INTS3: variants seen among roughly 807,000 people sequenced by gnomAD.
The protein encoded by INTS3 is integrator complex subunit 3.
INTS3 carries 34 observed loss-of-function variants against 146.3 expected under a neutral mutation model. The observed-to-expected ratio is 0.23, with a 90% CI of 0.18 to 0.31. The LOEUF is 0.31. INTS3 is among the 10% of genes least tolerant of loss of function. INTS3 has a pLI of 1.00. For synonymous variants in INTS3, 475 were observed against 494.9 expected, an observed-to-expected ratio of 0.96 and a Z score of 0.53; for missense variants, 757 against 1,304.2, an observed-to-expected ratio of 0.58 and a Z score of 6.46.
In INTS3 at chr1:153,759,557, CTTTGT is replaced by C; in HGVS notation, c.1185_1189del (p.Phe396Ter). On this transcript the variant is annotated frameshift_variant, in exon 11 of 30. Coordinates refer to ENST00000318967, the MANE Select transcript of INTS3 (RefSeq NM_023015.5). LOFTEE classifies it high-confidence loss of function. ...GTCGCTGCCTCCAATGCCAAGCTGG[CTTTGT>C]TTTATGACTGGCTGTTCTTTAGTCC... The C allele has an allele frequency of 6.2e-7, 1 of 1,613,978 alleles. No individual in the cohort carries two copies. Among genetic ancestry groups the C allele is most frequent in the Non-Finnish European group, 8.5e-7 (1 of 1,179,894 alleles).
At chr1:153,770,363 G>T (rs546733852) in intron 24 of INTS3, 52 bp downstream of exon 24, 1 of 1,140,422 alleles carries the variant, frequency 8.8e-7, no homozygotes, top group East Asian at 2.3e-5. Flanking sequence ...TTCCTATACA[G>T]TTAGGGCAAG....
intron 3 of INTS3, among the ~76,000 whole-genome samples, chr1:153,746,449 A>G (rs566850347): frequency 2.6e-4 from 40 of 151,206 alleles, no homozygotes; most frequent in South Asian, 8.4e-4. Context: ...GACCCAGGCT[A>G]GAGTGCAGTG....
At chr1:153,761,424 C>T (rs1234035056) in intron 13 of INTS3, 146 bp from the exon 14 acceptor site, 4 of 606,426 alleles carry the variant, frequency 6.6e-6, no homozygotes, top group South Asian at 4.1e-5. Flanking sequence ...GCACAAGAAT[C>T]GCTTGAATCC....
At chr1:153,766,063 A>G (rs1003583392) in intron 20 of INTS3, among the ~76,000 whole-genome samples, 1 of 150,366 alleles carries the variant, frequency 6.7e-6, no homozygotes, top group Non-Finnish European at 1.5e-5. Context: ...ACATTTTCAG[A>G]TAAATGGAAT....
chr1:153,766,002 C>G (rs765618239), intron 20 of INTS3, among the ~76,000 whole-genome samples: 1 of 152,176 alleles, frequency 6.6e-6, no homozygotes, highest in Non-Finnish European at 1.5e-5. Context: ...TCCCCTTCAC[C>G]CAGCTCTTGG....
At position 153,774,134 on chromosome 1, in the gene INTS3, G is replaced by A. The variant is rs56167936; in HGVS notation, c.*864G>A. On this transcript the variant is annotated 3_prime_UTR_variant, in exon 30 of 30. Transcript: ENST00000318967. ...CCCCGTGCATGTATAGCTTGGTCTT[G>A]ATTTGATTGGCACCCCTACTTGTAA... 18,499 of 152,714 alleles carry A rather than the reference G, an allele frequency of 0.12. 1,860 individuals are homozygous for A. The highest frequency in any genetic ancestry group is 0.28 in the African/African-American group (11,410 of 41,402). 9.5% of individuals were successfully genotyped at this position (152,714 alleles called of 1,614,324 possible).
chr1:153,735,657 G>A (rs1671256663), intron 1 of INTS3, among the ~76,000 whole-genome samples: 1 of 152,136 alleles, frequency 6.6e-6, no homozygotes, highest in East Asian at 1.9e-4. Context: ...AGATCTCCTA[G>A]TAAGAGCAAT....
chr1:153,760,565 C>G (rs943122732), intron 12 of INTS3, 175 bp downstream of exon 12: 2 of 632,364 alleles, frequency 3.2e-6, no homozygotes, highest in Non-Finnish European at 5.6e-6. Context: ...ACTGTCTGCA[C>G]TTGGATCTTC....
At chr1:153,764,284 T>G in intron 18 of INTS3, 63 bp downstream of exon 18, 2 of 1,091,050 alleles carry the variant, frequency 1.8e-6, no homozygotes. Context: ...ACAGCCTGAG[T>G]CCAAGAGACC....
At chr1:153,763,926 G>T (rs1672481338) in intron 17 of INTS3, 40 bp downstream of exon 17, 1 of 1,581,350 alleles carries the variant, frequency 6.3e-7, no homozygotes, top group Non-Finnish European at 8.7e-7. Context: ...AAGCAGCCTA[G>T]CCTGCTTAGC....
At chr1:153,735,858 G>A (rs955068784) in intron 1 of INTS3, among the ~76,000 whole-genome samples, 2 of 152,150 alleles carry the variant, frequency 1.3e-5, no homozygotes, top group African/African-American at 2.4e-5. Context: ...AAGTACCTGG[G>A]ACTACAGGTG....
chr1:153,740,509 A>G, intron 1 of INTS3, 142 bp from the exon 2 acceptor site: 1 of 655,790 alleles, frequency 1.5e-6, no homozygotes, highest in Non-Finnish European at 2.8e-6. Context: ...TGCTGGTTTT[A>G]TCCTCATGGT....
Position 153,773,392 on chromosome 1 carries a change from G to T in INTS3, c.*122G>T. The T allele has an allele frequency of 1.1e-6, 1 of 907,548 alleles. No individual in the cohort carries two copies. The highest frequency in any genetic ancestry group is 1.4e-5 in the South Asian group (1 of 71,254). The allele number at this position is 907,548 out of a possible 1,614,324, so 56.2% of individuals were successfully genotyped here. ...CCTTGCTGCATCCCCAAGCTCCCCC[G>T]GTGGAAGGAGGAGCTTTCTCCTCTG... On this transcript the variant is annotated 3_prime_UTR_variant, in exon 30 of 30. Coordinates refer to ENST00000318967, the MANE Select transcript of INTS3 (RefSeq NM_023015.5).
At chr1:153,765,113 G>A (rs758943006) in intron 20 of INTS3, 50 bp downstream of exon 20, 2 of 1,606,142 alleles carry the variant, frequency 1.2e-6, no homozygotes, top group African/African-American at 1.3e-5. Context: ...ATCCTGGAGA[G>A]CCTCTCTTCC....
At chr1:153,754,827 A>G in intron 9 of INTS3, 88 bp downstream of exon 9, 1 of 852,196 alleles carries the variant, frequency 1.2e-6, no homozygotes, top group Non-Finnish European at 2.0e-6. Context: ...ATTGTTTACT[A>G]ACCAGTAGAA....
intron 1 of INTS3, among the ~76,000 whole-genome samples, chr1:153,734,953 C>G (rs540909244): frequency 6.6e-6 from 1 of 151,980 alleles, no homozygotes; most frequent in Non-Finnish European, 1.5e-5. Context: ...CTGAGCTTCC[C>G]GCAAATTGAA....
chr1:153,733,888 C>T (rs538049812), intron 1 of INTS3, among the ~76,000 whole-genome samples: 27 of 152,284 alleles, frequency 1.8e-4, no homozygotes, highest in African/African-American at 6.5e-4. Context: ...CAGGCGTGAG[C>T]CACCACACCC....
In INTS3 at chr1:153,773,716, T is replaced by C. The variant is rs1673008278; in HGVS notation, c.*446T>C. 4.8e-6 allele frequency: 1 copy of C among 207,556 alleles called. No individual in the cohort carries two copies. 12.9% of individuals were successfully genotyped at this position (207,556 alleles called of 1,614,324 possible). ...TCCCTTCCTGCTTCCCCTTCAGGTC[T>C]TGGTTTGTTCTGAAGGGACGTTTTA... On this transcript the variant is annotated 3_prime_UTR_variant, in exon 30 of 30. Coordinates refer to ENST00000318967, the MANE Select transcript of INTS3 (RefSeq NM_023015.5).
At chr1:153,728,861 C>T (rs1670958038) in intron 1 of INTS3, 77 bp downstream of exon 1, 2 of 48,954 alleles carry the variant, frequency 4.1e-5, no homozygotes, top group South Asian at 2.1e-4. Context: ...GGTGGGAGGA[C>T]GGGGGGTGGG....
Sources: gnomAD v4.1 joint callset for allele counts (sites outside exome capture counted in the v4.1 genomes callset) on GRCh38, gnomAD v4.1.1 for gene constraint, MANE v1.5 for transcripts, NCBI Gene and HGNC (gene_info 2026-07-23, HGNC 2026-07-21) for gene names.